Variants in PTPRM observed in about 807,000 individuals in gnomAD.
PTPRM encodes receptor-type tyrosine-protein phosphatase mu.
Under a neutral mutation model 186.7 loss-of-function variants are expected in PTPRM, and 47 were observed. The ratio of observed to expected loss-of-function variants is 0.25; its 90% CI spans 0.20 to 0.32. The LOEUF (loss-of-function observed/expected upper bound fraction) is 0.32, where lower values mean the gene tolerates loss of function less well. Among genes scored for constraint, PTPRM ranks in the 10% least tolerant of loss-of-function variants. The pLI is 1.00. For missense variants in PTPRM, 1,494 were observed against 1,865.0 expected, an observed-to-expected ratio of 0.80 and a Z score of 3.66; for synonymous variants, 668 against 674.9, an observed-to-expected ratio of 0.99 and a Z score of 0.16.
intron 7 of PTPRM, among the ~76,000 whole-genome samples, chr18:7,984,808 T>A (rs1209048420): frequency 3.0e-5 from 4 of 133,702 alleles, no homozygotes; most frequent in Non-Finnish European, 6.2e-5. Context: ...AATATATACA[T>A]ATAAAATTAT....
chr18:8,262,618 C>G (rs763182876), intron 19 of PTPRM, among the ~76,000 whole-genome samples: 8 of 152,174 alleles, frequency 5.3e-5, no homozygotes, highest in Admixed American at 1.3e-4. Context: ...TGACTGCCCC[C>G]CAAGCTGTCC....
chr18:7,586,526 G>C (rs892411167), intron 1 of PTPRM, among the ~76,000 whole-genome samples: 2 of 152,150 alleles, frequency 1.3e-5, no homozygotes, highest in African/African-American at 4.8e-5. Flanking sequence ...ACCAGGGCTA[G>C]ATACTGCGTG....
At chr18:7,663,691 G>A (rs1267123357) in intron 1 of PTPRM, among the ~76,000 whole-genome samples, 1 of 152,198 alleles carries the variant, frequency 6.6e-6, no homozygotes, top group Non-Finnish European at 1.5e-5. Flanking sequence ...CAGGGTAAAA[G>A]TGCCATTAAA....
chr18:8,280,899 G>A (rs916492785), intron 19 of PTPRM, among the ~76,000 whole-genome samples: 6 of 152,060 alleles, frequency 3.9e-5, no homozygotes, highest in South Asian at 2.1e-4. Flanking sequence ...CAGGCAACAC[G>A]GTCTAATTGT....
At chr18:7,805,080 G>GA (rs34933771) in intron 2 of PTPRM, among the ~76,000 whole-genome samples, 16 of 152,212 alleles carry the variant, frequency 1.1e-4, no homozygotes, top group Admixed American at 2.0e-4. Flanking sequence ...AGAAGCACTT[G>GA]AAGTCACTCT....
intron 14 of PTPRM, among the ~76,000 whole-genome samples, chr18:8,188,084 A>G (rs2093665625): frequency 6.6e-6 from 1 of 152,016 alleles, no homozygotes; most frequent in African/African-American, 2.4e-5. Context: ...CCTAAATCTC[A>G]CAAATGAGGT....
At chr18:8,179,020 C>T (rs1601036535) in intron 14 of PTPRM, among the ~76,000 whole-genome samples, 1 of 152,218 alleles carries the variant, frequency 6.6e-6, no homozygotes, top group East Asian at 1.9e-4. Context: ...GAACACTGTA[C>T]AGGGACTGCA....
At chr18:7,590,408 C>T (rs2037094401) in intron 1 of PTPRM, among the ~76,000 whole-genome samples, 1 of 152,078 alleles carries the variant, frequency 6.6e-6, no homozygotes, top group South Asian at 2.1e-4. Flanking sequence ...AGAGTGTGCA[C>T]ACCTGGAGGG....
intron 1 of PTPRM, among the ~76,000 whole-genome samples, chr18:7,760,389 T>C (rs966385749): frequency 6.6e-6 from 1 of 152,170 alleles, no homozygotes; most frequent in African/African-American, 2.4e-5. Flanking sequence ...ATTAATTTTT[T>C]TTGTGGCCTA....
At chr18:7,807,350 G>T (rs1308836960) in intron 2 of PTPRM, among the ~76,000 whole-genome samples, 2 of 152,198 alleles carry the variant, frequency 1.3e-5, no homozygotes, top group Non-Finnish European at 2.9e-5. Context: ...CTTGACTAAA[G>T]TTTATTAAAA....
chr18:7,803,139 A>G (rs77147386), intron 2 of PTPRM, among the ~76,000 whole-genome samples: 1 of 152,182 alleles, frequency 6.6e-6, no homozygotes, highest in Non-Finnish European at 1.5e-5. Context: ...TTGCTGTTGT[A>G]ACAAGTTACC....
intron 24 of PTPRM, among the ~76,000 whole-genome samples, 177 bp from the exon 25 acceptor site, chr18:8,375,869 C>A (rs541135086): frequency 6.6e-6 from 1 of 152,200 alleles, no homozygotes; most frequent in Non-Finnish European, 1.5e-5. Context: ...CCTAAGGGTA[C>A]AATGCCTTCC....
chr18:8,170,113 C>T (rs1299524440), intron 14 of PTPRM, among the ~76,000 whole-genome samples: 1 of 152,154 alleles, frequency 6.6e-6, no homozygotes, highest in Non-Finnish European at 1.5e-5. Flanking sequence ...GCACACATTT[C>T]TTTAATGTGA....
At chr18:7,602,479 G>A (rs1377607161) in intron 1 of PTPRM, among the ~76,000 whole-genome samples, 1 of 150,958 alleles carries the variant, frequency 6.6e-6, no homozygotes, top group African/African-American at 2.4e-5. Context: ...CCATGCTGGA[G>A]TGCAGTGGTG....
chr18:7,851,221 A>C (rs2046843086), intron 2 of PTPRM, among the ~76,000 whole-genome samples: 1 of 152,240 alleles, frequency 6.6e-6, no homozygotes, highest in Non-Finnish European at 1.5e-5. Flanking sequence ...AAGCTGTATG[A>C]CATGGCAGGT....
chr18:8,174,697 A>T (rs73941037), intron 14 of PTPRM, among the ~76,000 whole-genome samples: 3,243 of 152,020 alleles, frequency 0.021, 125 homozygotes, highest in African/African-American at 0.074. Context: ...TACTTTTTTT[A>T]AAAAAAATCT....
At chr18:7,819,721 C>T (rs1444947755) in intron 2 of PTPRM, among the ~76,000 whole-genome samples, 1 of 152,218 alleles carries the variant, frequency 6.6e-6, no homozygotes, top group Non-Finnish European at 1.5e-5. Context: ...TGGACAGGGG[C>T]TTCAGCTGTA....
intron 2 of PTPRM, among the ~76,000 whole-genome samples, chr18:7,885,888 G>A (rs1211741092): frequency 6.6e-6 from 1 of 152,128 alleles, no homozygotes; most frequent in Non-Finnish European, 1.5e-5. Context: ...AACAGTAATG[G>A]TAGAAAGGTA....
intron 1 of PTPRM, among the ~76,000 whole-genome samples, chr18:7,721,158 A>G (rs1229984849): frequency 7.1e-6 from 1 of 141,194 alleles, no homozygotes; most frequent in African/African-American, 2.6e-5. Context: ...TTTTTTTGAT[A>G]TTAGCTATTC....
Sources: gnomAD v4.1 joint callset for allele counts (sites outside exome capture counted in the v4.1 genomes callset) on GRCh38, gnomAD v4.1.1 for gene constraint, MANE v1.5 for transcripts, NCBI Gene and HGNC (gene_info 2026-07-23, HGNC 2026-07-21) for gene names.